SGMS1: variants seen among roughly 807,000 people sequenced by gnomAD.
The protein encoded by SGMS1 is phosphatidylcholine:ceramide cholinephosphotransferase 1.
SGMS1 carries 13 observed loss-of-function variants against 46.2 expected under a neutral mutation model. That is an observed-to-expected ratio of 0.28 (90% CI 0.18 to 0.45). SGMS1 has a LOEUF of 0.45. Among genes scored for constraint, SGMS1 ranks in the 20% least tolerant of loss-of-function variants. SGMS1 has a pLI of 1.00. For missense variants in SGMS1, 324 were observed against 519.9 expected, an observed-to-expected ratio of 0.62 and a Z score of 3.66; for synonymous variants, 203 against 187.8, an observed-to-expected ratio of 1.08 and a Z score of -0.66.
chr10:50,402,710 T>TA (rs1564903071), intron 6 of SGMS1, among the ~76,000 whole-genome samples: 1 of 151,732 alleles, frequency 6.6e-6, no homozygotes, highest in Non-Finnish European at 1.5e-5. Flanking sequence ...GCCATTTGTA[T>TA]ACTCAATTTT....
upstream of SGMS1, chr10:50,624,510 G>A (rs1177688635): frequency 2.3e-5 from 19 of 842,340 alleles, no homozygotes; most frequent in Non-Finnish European, 2.6e-5. Context: ...AAAAGCCTCT[G>A]GCGACGCCTG....
At chr10:50,386,059 C>G (rs1848676714) in intron 6 of SGMS1, among the ~76,000 whole-genome samples, 1 of 152,102 alleles carries the variant, frequency 6.6e-6, no homozygotes, top group Admixed American at 6.6e-5. Context: ...GATGGCAATT[C>G]TGCGATGCCT....
chr10:50,390,699 T>G (rs1336670516), intron 6 of SGMS1, among the ~76,000 whole-genome samples: 2 of 152,198 alleles, frequency 1.3e-5, no homozygotes, highest in African/African-American at 2.4e-5. Flanking sequence ...TTTAAAAATC[T>G]TTTTTGGAAT....
chr10:50,429,619 A>G (rs945014089), intron 6 of SGMS1, among the ~76,000 whole-genome samples: 2 of 152,140 alleles, frequency 1.3e-5, no homozygotes, highest in Non-Finnish European at 2.9e-5. Flanking sequence ...GTTAAAATTC[A>G]TTAAGTGTAG....
intron 3 of SGMS1, among the ~76,000 whole-genome samples, chr10:50,508,979 C>T (rs911234450): frequency 2.0e-5 from 3 of 152,180 alleles, no homozygotes; most frequent in Admixed American, 1.3e-4. Flanking sequence ...GTAAACTCAG[C>T]ACCTCATCAC....
At chr10:50,456,765 A>G (rs918758767) in intron 5 of SGMS1, among the ~76,000 whole-genome samples, 1 of 152,232 alleles carries the variant, frequency 6.6e-6, no homozygotes, top group African/African-American at 2.4e-5. Flanking sequence ...GAGCCAAATC[A>G]CCTGCAAATC....
At chr10:50,512,788 A>G (rs896948227) in intron 3 of SGMS1, among the ~76,000 whole-genome samples, 2 of 152,230 alleles carry the variant, frequency 1.3e-5, no homozygotes, top group Admixed American at 6.5e-5. Context: ...ATTCCAGCTC[A>G]TATTTCCAAA....
upstream of SGMS1, chr10:50,625,147 C>T: frequency 1.2e-6 from 1 of 844,888 alleles, no homozygotes; most frequent in Non-Finnish European, 1.4e-6. Context: ...GGTTCTCGCC[C>T]GGGCCAGAAG....
chr10:50,418,702 C>G (rs1441196496), intron 6 of SGMS1, among the ~76,000 whole-genome samples: 1 of 152,144 alleles, frequency 6.6e-6, no homozygotes, highest in Non-Finnish European at 1.5e-5. Flanking sequence ...ACATTAGTTT[C>G]GATTAGTAAA....
chr10:50,311,154 C>A, intron 9 of SGMS1, 108 bp downstream of exon 9: 1 of 1,346,280 alleles, frequency 7.4e-7, no homozygotes. Context: ...CTCCTGAAGC[C>A]TCCAGTCTTG....
chr10:50,427,839 G>C (rs1007336174), intron 6 of SGMS1, among the ~76,000 whole-genome samples: 2 of 152,160 alleles, frequency 1.3e-5, no homozygotes, highest in Non-Finnish European at 2.9e-5. Flanking sequence ...AACATTTATA[G>C]AATTCAAACC....
upstream of SGMS1, chr10:50,624,681 A>G (rs2131956303): frequency 1.0e-6 from 1 of 985,430 alleles, no homozygotes; most frequent in African/African-American, 1.7e-5. Flanking sequence ...GCGCATGCCC[A>G]GTAGCCCCAC....
chr10:50,554,758 C>A (rs1398061967), intron 2 of SGMS1, among the ~76,000 whole-genome samples: 2 of 152,174 alleles, frequency 1.3e-5, no homozygotes, highest in Non-Finnish European at 2.9e-5. Flanking sequence ...AAGTAAAAGT[C>A]CTTCCCTTCT....
intron 3 of SGMS1, among the ~76,000 whole-genome samples, chr10:50,491,345 C>A (rs954139947): frequency 1.3e-5 from 2 of 152,074 alleles, no homozygotes; most frequent in African/African-American, 2.4e-5. Context: ...AGAGTGAAAC[C>A]TTTTCTCTTA....
At chr10:50,341,627 C>T (rs1267746683) in intron 7 of SGMS1, among the ~76,000 whole-genome samples, 1 of 152,000 alleles carries the variant, frequency 6.6e-6, no homozygotes, top group Non-Finnish European at 1.5e-5. Flanking sequence ...GTGAGAAAAA[C>T]GAGGCTCCTG....
At chr10:50,484,723 ATGCAAG>A (rs1837505540) in intron 3 of SGMS1, among the ~76,000 whole-genome samples, 1 of 152,244 alleles carries the variant, frequency 6.6e-6, no homozygotes, top group African/African-American at 2.4e-5. Flanking sequence ...CATCCCTGGA[ATGCAAG>A]GCTGGTTCAA....
At chr10:50,414,995 C>T (rs1023070204) in intron 6 of SGMS1, among the ~76,000 whole-genome samples, 1 of 152,200 alleles carries the variant, frequency 6.6e-6, no homozygotes, top group East Asian at 1.9e-4. Context: ...GATGCCGGCG[C>T]CTGTAGTCCC....
At chr10:50,400,719 A>T (rs914972246) in intron 6 of SGMS1, among the ~76,000 whole-genome samples, 4 of 152,090 alleles carry the variant, frequency 2.6e-5, no homozygotes, top group African/African-American at 9.7e-5. Context: ...TATTTTTGTG[A>T]GGAAAAAGGT....
At chr10:50,529,097 T>G (rs886641390) in intron 2 of SGMS1, among the ~76,000 whole-genome samples, 1 of 152,234 alleles carries the variant, frequency 6.6e-6, no homozygotes, top group Non-Finnish European at 1.5e-5. Context: ...GGTATGTGTA[T>G]GTGTTTCAGG....
Sources: gnomAD v4.1 joint callset for allele counts (sites outside exome capture counted in the v4.1 genomes callset) on GRCh38, gnomAD v4.1.1 for gene constraint, MANE v1.5 for transcripts, NCBI Gene and HGNC (gene_info 2026-07-23, HGNC 2026-07-21) for gene names.